DLGAP2: variants seen among roughly 807,000 people sequenced by gnomAD.
The protein encoded by DLGAP2 is DLG associated protein 2.
Under a neutral mutation model 100.3 loss-of-function variants are expected in DLGAP2, and 26 were observed. The observed-to-expected ratio is 0.26, with a 90% confidence interval of 0.19 to 0.36. The LOEUF is 0.36. Among genes scored for constraint, DLGAP2 ranks in the 10% least tolerant of loss-of-function variants. The pLI is 1.00. For synonymous variants in DLGAP2, 886 were observed against 630.1 expected (o/e 1.41, Z -6.08); for missense variants, 1,858 against 1,453.2 (o/e 1.28, Z -4.53).
At chr8:1,308,541 T>C (rs764661271) in intron 3 of DLGAP2, among the ~76,000 whole-genome samples, 6 of 152,222 alleles carry the variant, frequency 3.9e-5, no homozygotes, top group East Asian at 3.8e-4. Flanking sequence ...TTGTTTTGTT[T>C]TGAGACGTAG....
At position 1,565,796 on chromosome 8, in the gene DLGAP2, A is replaced by G. The variant is rs1300615534; in HGVS notation, c.1344A>G (p.Gly448=). Residue 448 remains glycine (G), a synonymous_variant, in exon 6 of 15, where the codon GGA becomes GGG. Coordinates refer to ENST00000637795, the MANE Select transcript of DLGAP2 (RefSeq NM_001346810.2). Reference sequence around the variant, plus strand: ...AAGCCATGGGGGACGAGGAGAGCGGAGAGTCAGACTCCAGCCCCAAGACAT... The same window carrying G: ...AAGCCATGGGGGACGAGGAGAGCGGGGAGTCAGACTCCAGCCCCAAGACAT... ...YIKAMGDEES[G]ESDSSPKTSP... is the part of the protein sequence containing the mutation. The G allele has an allele frequency of 2.2e-5, 35 of 1,613,776 alleles. No homozygotes were observed. Among genetic ancestry groups the G allele is most frequent in the Non-Finnish European group, 3.0e-5 (35 of 1,179,866 alleles).
intron 3 of DLGAP2, among the ~76,000 whole-genome samples, chr8:1,453,080 A>G (rs1798206887): frequency 6.6e-6 from 1 of 152,146 alleles, no homozygotes; most frequent in Non-Finnish European, 1.5e-5. Flanking sequence ...ACAAATGACC[A>G]GAAGAGAAAT....
intron 2 of DLGAP2, among the ~76,000 whole-genome samples, chr8:1,163,992 G>C (rs1479792670): frequency 2.0e-5 from 3 of 152,346 alleles, no homozygotes; most frequent in Middle Eastern, 3.4e-3. Flanking sequence ...CTAAGACTCA[G>C]TGTTCAGGGT....
chr8:1,318,727 C>G (rs1207744410), intron 3 of DLGAP2, among the ~76,000 whole-genome samples: 1 of 151,092 alleles, frequency 6.6e-6, no homozygotes, highest in Non-Finnish European at 1.5e-5. Context: ...CCTATTCGTA[C>G]TTAATATATT....
chr8:1,422,001 G>A (rs531767799), intron 3 of DLGAP2, among the ~76,000 whole-genome samples: 8 of 152,112 alleles, frequency 5.3e-5, no homozygotes, highest in South Asian at 2.1e-4. Flanking sequence ...AAAAAGTGGC[G>A]GGTAAAACAG....
chr8:1,311,248 A>G (rs1323369197), intron 3 of DLGAP2, among the ~76,000 whole-genome samples: 2 of 152,224 alleles, frequency 1.3e-5, no homozygotes. Context: ...AAAAATCTCA[A>G]CAGATTTATA....
chr8:1,441,988 C>G (rs1029856700), intron 3 of DLGAP2, among the ~76,000 whole-genome samples: 1 of 152,106 alleles, frequency 6.6e-6, no homozygotes, highest in Non-Finnish European at 1.5e-5. Context: ...AAACCATGAT[C>G]CTCAGCAAAC....
intron 3 of DLGAP2, among the ~76,000 whole-genome samples, chr8:1,392,753 G>C (rs1192834125): frequency 6.6e-6 from 1 of 152,066 alleles, no homozygotes; most frequent in Non-Finnish European, 1.5e-5. Context: ...TGGCACAGTA[G>C]TGATGCTCAT....
chr8:1,301,574 C>A (rs1405569879), intron 3 of DLGAP2: 1 of 152,136 alleles, frequency 6.6e-6, no homozygotes, highest in Non-Finnish European at 1.5e-5. Flanking sequence ...CTTGATGGTC[C>A]CGATCCTGCC....
chr8:1,193,909 G>A (rs1797694382), intron 2 of DLGAP2, among the ~76,000 whole-genome samples: 1 of 152,160 alleles, frequency 6.6e-6, no homozygotes, highest in Non-Finnish European at 1.5e-5. Flanking sequence ...CAGCCAGGAG[G>A]AGCCGCTGGA....
intron 8 of DLGAP2, among the ~76,000 whole-genome samples, chr8:1,638,314 T>C (rs1797817048): frequency 6.6e-6 from 1 of 151,822 alleles, no homozygotes; most frequent in Admixed American, 6.6e-5. Context: ...CCGGTGTCCT[T>C]ATAAGAAGAG....
At chr8:1,215,955 A>T (rs909433893) in intron 2 of DLGAP2, among the ~76,000 whole-genome samples, 28 of 151,092 alleles carry the variant, frequency 1.9e-4, no homozygotes, top group Admixed American at 3.9e-4. Context: ...TGGGTGCATC[A>T]CCTGGAGACG....
intron 2 of DLGAP2, among the ~76,000 whole-genome samples, chr8:1,001,721 T>A (rs1447993251): frequency 1.3e-5 from 2 of 152,224 alleles, no homozygotes; most frequent in Non-Finnish European, 2.9e-5. Flanking sequence ...TTTATCTTTT[T>A]CTCTACTATT....
chr8:1,282,947 C>T (rs1585220806), intron 3 of DLGAP2, among the ~76,000 whole-genome samples: 2 of 129,518 alleles, frequency 1.5e-5, no homozygotes, highest in African/African-American at 2.9e-5. Flanking sequence ...GTGACCTGAA[C>T]CCAGCGCCCT....
intron 2 of DLGAP2, among the ~76,000 whole-genome samples, chr8:1,045,532 T>C (rs992295842): frequency 2.6e-5 from 4 of 152,312 alleles, no homozygotes; most frequent in African/African-American, 9.6e-5. Context: ...TTAGCAGTTT[T>C]CCACTATGCA....
intron 6 of DLGAP2, among the ~76,000 whole-genome samples, chr8:1,599,573 A>G (rs866934590): frequency 6.6e-6 from 1 of 152,126 alleles, no homozygotes. Flanking sequence ...TTGAGTGCAT[A>G]TATATTTAGG....
At chr8:1,025,284 C>A (rs1014484576) in intron 2 of DLGAP2, among the ~76,000 whole-genome samples, 1 of 152,104 alleles carries the variant, frequency 6.6e-6, no homozygotes, top group Non-Finnish European at 1.5e-5. Flanking sequence ...GACCTGGATC[C>A]CCGATCCTGA....
intron 2 of DLGAP2, among the ~76,000 whole-genome samples, chr8:1,168,086 G>A (rs565124002): frequency 3.9e-5 from 5 of 129,172 alleles, no homozygotes; most frequent in African/African-American, 9.0e-5. Flanking sequence ...CTGTGTCCAC[G>A]TGTTCTCATT....
At chr8:1,493,663 T>A (rs978749094) in intron 3 of DLGAP2, among the ~76,000 whole-genome samples, 18 of 152,192 alleles carry the variant, frequency 1.2e-4, no homozygotes, top group African/African-American at 4.3e-4. Flanking sequence ...TAGGAAAACG[T>A]CCTATCGGCA....
Sources: allele counts gnomAD v4.1 joint callset (sites outside exome capture counted in the v4.1 genomes callset), GRCh38; gene constraint gnomAD v4.1.1; transcripts MANE v1.5; gene names NCBI Gene and HGNC (gene_info 2026-07-23, HGNC 2026-07-21).